The following RGS6 variants were observed in gnomAD, a reference collection of about 807,000 sequenced individuals.
RGS6 encodes the protein regulator of G protein signaling 6.
RGS6 carries 30 observed loss-of-function variants against 78.5 expected under a neutral mutation model. That is an observed-to-expected ratio of 0.38 (90% CI 0.29 to 0.52). The LOEUF (loss-of-function observed/expected upper bound fraction) is 0.52. Ranked by LOEUF, RGS6 falls within the 20% of genes least tolerant of loss-of-function variation. RGS6 has a pLI of 0.85. For missense variants in RGS6, 495 were observed against 609.7 expected, an observed-to-expected ratio of 0.81 and a Z score of 1.98; for synonymous variants, 206 against 206.0, an observed-to-expected ratio of 1.00 and a Z score of 0.00.
the RGS6 span, among the ~76,000 whole-genome samples, chr14:71,900,124 G>C: frequency 6.6e-6 from 1 of 152,106 alleles, no homozygotes; most frequent in Admixed American, 6.6e-5. Context: ...ATTCCATTTG[G>C]GAAAAGGAGA....
intron 13 of RGS6, among the ~76,000 whole-genome samples, chr14:72,499,107 T>G (rs1334256950): frequency 1.3e-5 from 2 of 152,150 alleles, no homozygotes; most frequent in Non-Finnish European, 2.9e-5. Flanking sequence ...TGTCTTTCTA[T>G]TTCCTCGCCA....
the RGS6 span, among the ~76,000 whole-genome samples, chr14:71,910,468 A>G: frequency 3.8e-3 from 582 of 152,326 alleles, 7 homozygotes; most frequent in African/African-American, 0.013. Context: ...AAGGTACTAC[A>G]TAAGCCAGTG....
chr14:72,049,299 G>T (rs1312631393), intron 2 of RGS6, among the ~76,000 whole-genome samples: 1 of 152,120 alleles, frequency 6.6e-6, no homozygotes, highest in Admixed American at 6.6e-5. Context: ...TTTTAATTTG[G>T]AAACTGCCAC....
intron 7 of RGS6, 131 bp downstream of exon 7, chr14:72,465,953 C>G (rs1236571523): frequency 4.8e-6 from 3 of 628,428 alleles, no homozygotes. Context: ...GAAGTATCTT[C>G]TATTTCTCCT....
intron 2 of RGS6, among the ~76,000 whole-genome samples, chr14:72,124,490 A>G (rs968477325): frequency 6.6e-6 from 1 of 152,214 alleles, no homozygotes; most frequent in Admixed American, 6.5e-5. Context: ...AGGATTCTTA[A>G]CTGCACAAGA....
intron 11 of RGS6, among the ~76,000 whole-genome samples, chr14:72,477,809 G>A (rs371076958): frequency 7.4e-6 from 1 of 135,870 alleles, no homozygotes; most frequent in Non-Finnish European, 1.6e-5. Flanking sequence ...AAAAAAAAAA[G>A]AAAAAAAGAA....
chr14:72,550,437 A>C, intron 17 of RGS6: 1 of 1,530,490 alleles, frequency 6.5e-7, no homozygotes, highest in Non-Finnish European at 8.8e-7. Context: ...AGTACATCTG[A>C]GCCCCCGTGC....
the RGS6 span, among the ~76,000 whole-genome samples, chr14:72,587,251 C>T: frequency 2.0e-5 from 3 of 152,038 alleles, no homozygotes. Flanking sequence ...TTCCAGCCCC[C>T]ACATGACTTA....
rs1043021277 is a variant in RGS6, at chr14:72,504,259, A to G, written c.966-5895A>G. ...GTGGTCTCATTTTTTGCATATGAATAGACAAAGAATTTTTCAGATCTTCAG... is the reference window on the plus strand; with the variant it reads ...GTGGTCTCATTTTTTGCATATGAATGGACAAAGAATTTTTCAGATCTTCAG... On this transcript the variant is annotated intron_variant, in intron 13 of 17. Transcript: ENST00000553525. Among the ~76,000 whole-genome samples the G allele has an allele frequency of 2.6e-5, 4 of 152,262 alleles. No individual in the cohort carries two copies. The East Asian group carries it at 7.7e-4, about 29-fold the overall frequency.
chr14:71,888,403 G>A, the RGS6 span, among the ~76,000 whole-genome samples: 2 of 141,342 alleles, frequency 1.4e-5, no homozygotes, highest in African/African-American at 2.9e-5. Context: ...GGGCAACACA[G>A]CAAAAGCTCT....
At chr14:72,131,861 T>G (rs553577242) in intron 2 of RGS6, among the ~76,000 whole-genome samples, 10 of 152,366 alleles carry the variant, frequency 6.6e-5, no homozygotes, top group African/African-American at 2.4e-4. Context: ...TTTAGAATGC[T>G]TACTAGAAGC....
At chr14:72,347,610 T>C (rs901191563) in intron 2 of RGS6, among the ~76,000 whole-genome samples, 20 of 152,222 alleles carry the variant, frequency 1.3e-4, no homozygotes, top group Non-Finnish European at 2.4e-4. Flanking sequence ...GAGAATTCAA[T>C]AATTTTATAA....
the RGS6 span, among the ~76,000 whole-genome samples, chr14:72,581,445 G>C: frequency 6.6e-6 from 1 of 151,994 alleles, no homozygotes; most frequent in Admixed American, 6.6e-5. Flanking sequence ...AGGGCCTTCT[G>C]CATGCAATCC....
chr14:72,460,401 C>T (rs899946922), intron 6 of RGS6, among the ~76,000 whole-genome samples: 1 of 152,236 alleles, frequency 6.6e-6, no homozygotes, highest in Non-Finnish European at 1.5e-5. Context: ...TTATAAGCCT[C>T]TTGAGGGCAG....
At chr14:72,094,578 T>C (rs17107120) in intron 2 of RGS6, among the ~76,000 whole-genome samples, 15,129 of 152,170 alleles carry the variant, frequency 0.099, 1,084 homozygotes, top group East Asian at 0.38. Flanking sequence ...AATATTTCAC[T>C]TAGATGATGA....
At chr14:71,944,045 A>G (rs1037692084) in intron 1 of RGS6, among the ~76,000 whole-genome samples, 3 of 152,142 alleles carry the variant, frequency 2.0e-5, no homozygotes, top group Non-Finnish European at 4.4e-5. Context: ...TTGTGTGTCT[A>G]TTCCATTGGG....
chr14:72,232,258 CAGGA>C (rs1376525260), intron 2 of RGS6, among the ~76,000 whole-genome samples: 1 of 152,098 alleles, frequency 6.6e-6, no homozygotes, highest in Non-Finnish European at 1.5e-5. Context: ...AAGATGGAGA[CAGGA>C]TGGGTGGGCA....
rs140838383 is a variant in RGS6 at position 72,109,656 on chromosome 14, G to C, written c.84+144781G>C. On this transcript the variant is annotated intron_variant, in intron 2 of 17. Coordinates refer to ENST00000553525, the MANE Select transcript of RGS6 (RefSeq NM_001204424.2). Reference sequence around the variant, plus strand: ...ATAAACATGGTCTGGAGTAGAAGTAGGTTAATCCGCATGCTTTAGATTGAC... The same window carrying C: ...ATAAACATGGTCTGGAGTAGAAGTACGTTAATCCGCATGCTTTAGATTGAC... 1.2e-4 allele frequency among the ~76,000 whole-genome samples: 19 copies of C among 152,242 alleles called. No homozygotes were observed. The East Asian group carries it at 3.3e-3, about 26-fold the overall frequency.
rs936935007 is a variant in RGS6 at position 72,091,355 on chromosome 14, G to A, written c.84+126480G>A. ...ATTTTCCCTTCCTCACGTGAAGAGA[G>A]CATTAGGTGCCCTTAGCTTTGGAGG... On this transcript the variant is annotated intron_variant, in intron 2 of 17. Transcript: ENST00000553525. 7.9e-5 allele frequency among the ~76,000 whole-genome samples: 12 copies of A among 152,208 alleles called. No homozygotes were observed. In the East Asian group the frequency reaches 2.3e-3, roughly 29 times the overall value.
Sources: gnomAD v4.1 joint callset for allele counts (sites outside exome capture counted in the v4.1 genomes callset) on GRCh38, gnomAD v4.1.1 for gene constraint, MANE v1.5 for transcripts, NCBI Gene and HGNC (gene_info 2026-07-23, HGNC 2026-07-21) for gene names.